The following RPN1 variants were observed in gnomAD, a reference collection of about 807,000 sequenced individuals.
The protein encoded by RPN1 is dolichyl-diphosphooligosaccharide--protein glycosyltransferase subunit 1.
RPN1 carries 12 observed loss-of-function variants against 55.5 expected under a neutral mutation model. The observed-to-expected ratio is 0.22, with a 90% confidence interval of 0.14 to 0.35. The LOEUF is 0.35. RPN1 is among the 10% of genes least tolerant of loss of function. The pLI is 1.00. For synonymous variants in RPN1, 317 were observed against 305.9 expected (o/e 1.04, Z -0.38); for missense variants, 679 against 761.3 (o/e 0.89, Z 1.27).
Position 128,622,307 on chromosome 3 carries a change from C to A in RPN1, c.1498G>T (p.Val500Phe). 6.2e-7 allele frequency: 1 copy of A among 1,614,206 alleles called. No homozygotes were observed. Among genetic ancestry groups the A allele is most frequent in the Non-Finnish European group, 8.5e-7 (1 of 1,180,042 alleles). ...IGLYRHFDETVNRYKQSRDIS... is the reference protein window; with the variant it reads ...IGLYRHFDETFNRYKQSRDIS... ...TCCCGGGATTGCTTGTACCTATTGA[C>A]GGTCTCGTCAAAGTGACGGTAAAGG... Residue 500 changes from valine to phenylalanine, a missense_variant, in exon 9 of 10, where the codon GTC (valine) becomes TTC (phenylalanine). By Grantham distance (50) the Val-to-Phe change is conservative. Coordinates refer to ENST00000296255, the MANE Select transcript of RPN1 (RefSeq NM_002950.4).
chr3:128,634,373 A>G (rs1337328280), intron 3 of RPN1, among the ~76,000 whole-genome samples: 2 of 152,040 alleles, frequency 1.3e-5, no homozygotes, highest in Non-Finnish European at 2.9e-5. Context: ...TAATATGTAA[A>G]ATGTTTAGAG....
intron 3 of RPN1, 64 bp downstream of exon 3, chr3:128,637,735 G>C (rs1576797045): frequency 2.6e-6 from 4 of 1,520,818 alleles, no homozygotes; most frequent in East Asian, 2.3e-5. Flanking sequence ...CTATCAACCA[G>C]TAGTCACTCT....
intron 8 of RPN1, among the ~76,000 whole-genome samples, chr3:128,623,540 G>GA (rs949641137): frequency 1.8e-4 from 19 of 105,820 alleles, no homozygotes; most frequent in East Asian, 3.7e-4. Flanking sequence ...TCTGTCTCGA[G>GA]AAAAAAAACA....
chr3:128,630,685 G>C (rs2107715638), intron 4 of RPN1, among the ~76,000 whole-genome samples: 1 of 152,206 alleles, frequency 6.6e-6, no homozygotes, highest in Admixed American at 6.5e-5. Flanking sequence ...TTTAAAAACT[G>C]TATATGCAAT....
intron 3 of RPN1, among the ~76,000 whole-genome samples, chr3:128,636,110 A>G (rs1360743526): frequency 6.6e-6 from 1 of 152,178 alleles, no homozygotes; most frequent in Non-Finnish European, 1.5e-5. Context: ...AAGTTCTTAA[A>G]AGTTTAAAAC....
chr3:128,649,639 A>G (rs1360087003), intron 1 of RPN1, among the ~76,000 whole-genome samples: 1 of 152,246 alleles, frequency 6.6e-6, no homozygotes, highest in African/African-American at 2.4e-5. Context: ...TTGTTTAACA[A>G]CAATAGTAAT....
chr3:128,644,470 C>A, intron 2 of RPN1: 1 of 293,694 alleles, frequency 3.4e-6, no homozygotes, highest in South Asian at 2.9e-5. Flanking sequence ...ATGGCAAAAC[C>A]CGGTGTCTAC....
intron 3 of RPN1, among the ~76,000 whole-genome samples, chr3:128,634,196 A>G (rs2069661112): frequency 6.6e-6 from 1 of 151,790 alleles, no homozygotes; most frequent in South Asian, 2.1e-4. Flanking sequence ...GCATGGTCGC[A>G]CATGCCTGTA....
chr3:128,647,052 G>C (rs1470417136), intron 1 of RPN1, among the ~76,000 whole-genome samples: 2 of 151,906 alleles, frequency 1.3e-5, no homozygotes, highest in East Asian at 3.9e-4. Flanking sequence ...TACCCTCACA[G>C]CAACAAGATA....
At chr3:128,631,340 T>C (rs954192157) in intron 4 of RPN1, among the ~76,000 whole-genome samples, 1 of 149,950 alleles carries the variant, frequency 6.7e-6, no homozygotes, top group African/African-American at 2.5e-5. Context: ...TAGCCAGGCT[T>C]GGTGGTGCAT....
chr3:128,648,923 T>TA (rs1002968918), intron 1 of RPN1, among the ~76,000 whole-genome samples: 28 of 152,190 alleles, frequency 1.8e-4, no homozygotes, highest in Non-Finnish European at 1.2e-4. Flanking sequence ...AGGGGCTAAA[T>TA]AACTTAACCT....
chr3:128,650,457 G>C (rs1033015198), intron 1 of RPN1, 83 bp downstream of exon 1: 1 of 1,373,548 alleles, frequency 7.3e-7, no homozygotes, highest in Non-Finnish European at 9.7e-7. Flanking sequence ...AGGCCTAGAG[G>C]GGCGCGGGCG....
intron 3 of RPN1, among the ~76,000 whole-genome samples, chr3:128,636,776 T>C (rs2069685018): frequency 6.6e-6 from 1 of 152,242 alleles, no homozygotes; most frequent in Non-Finnish European, 1.5e-5. Flanking sequence ...CTTGAATTCC[T>C]GGGCACAAAT....
At chr3:128,635,713 ACAC>A (rs1291992389) in intron 3 of RPN1, among the ~76,000 whole-genome samples, 2 of 147,828 alleles carry the variant, frequency 1.4e-5, no homozygotes, top group African/African-American at 5.0e-5. Flanking sequence ...ACACACACAC[ACAC>A]GTGTATATAT....
intron 2 of RPN1, chr3:128,644,644 A>G: frequency 1.7e-6 from 1 of 572,280 alleles, no homozygotes; most frequent in Admixed American, 2.3e-5. Flanking sequence ...TGGGCAACAG[A>G]CCCTGTCTCA....
chr3:128,638,425 T>C (rs2069699746), intron 2 of RPN1, among the ~76,000 whole-genome samples: 1 of 152,244 alleles, frequency 6.6e-6, no homozygotes, highest in Non-Finnish European at 1.5e-5. Flanking sequence ...ACACTCTTGC[T>C]ATTTATAAAC....
At chr3:128,635,650 T>G (rs771672312) in intron 3 of RPN1, among the ~76,000 whole-genome samples, 5,470 of 26,722 alleles carry the variant, frequency 0.2, 254 homozygotes, top group African/African-American at 0.3. Context: ...GATATATATA[T>G]ATATATATAT....
rs781410585 is a variant in RPN1 at position 128,637,861 on chromosome 3, G to A, written c.571C>T (p.Pro191Ser). The A allele has an allele frequency of 6.2e-7, 1 of 1,614,070 alleles. No homozygotes were observed. The highest frequency in any genetic ancestry group is 8.5e-7 in the Non-Finnish European group (1 of 1,180,042). Reference sequence around the variant, plus strand: ...TCCAGTAGGTCCTCAGAGCGCGTGGGGTTCCCCAGCTTGGTGTAGCTCTCC... The same window carrying A: ...TCCAGTAGGTCCTCAGAGCGCGTGGAGTTCCCCAGCTTGGTGTAGCTCTCC... ...NVESYTKLGN[P>S]TRSEDLLDYG... is the part of the protein sequence containing the mutation. The change falls in exon 3 of 10, where the codon CCC becomes TCC. Residue 191 changes from proline (P) to serine (S), a missense_variant. Pro to Ser is a moderately conservative substitution (Grantham distance 74). This residue lies in a region of RPN1 where 352 missense variants were observed against 352.8 expected (regional missense o/e 1.00). Coordinates refer to ENST00000296255, the MANE Select transcript of RPN1 (RefSeq NM_002950.4).
intron 9 of RPN1, among the ~76,000 whole-genome samples, chr3:128,621,523 G>A (rs1249437333): frequency 1.3e-5 from 2 of 152,178 alleles, no homozygotes; most frequent in Non-Finnish European, 2.9e-5. Context: ...AGTGGTAGGT[G>A]CTATGAGGAA....
Sources: gnomAD v4.1 joint callset for allele counts (sites outside exome capture counted in the v4.1 genomes callset) on GRCh38, gnomAD v4.1.1 for gene constraint, gnomAD v4.1.1 regional missense constraint, MANE v1.5 for transcripts, NCBI Gene and HGNC (gene_info 2026-07-23, HGNC 2026-07-21) for gene names.